KCNN2: variants seen among roughly 807,000 people sequenced by gnomAD.
KCNN2 encodes the protein potassium calcium-activated channel subfamily N member 2.
A neutral mutation model predicts 55.5 loss-of-function variants in KCNN2; 24 were observed. The observed-to-expected ratio is 0.43, with a 90% CI of 0.31 to 0.61. The LOEUF (loss-of-function observed/expected upper bound fraction) is 0.61, where lower values mean the gene tolerates loss of function less well. KCNN2 is among the 20% of genes least tolerant of loss of function. KCNN2 has a pLI of 0.08. For missense variants in KCNN2, 754 were observed against 853.6 expected, an observed-to-expected ratio of 0.88 and a Z score of 1.45; for synonymous variants, 431 against 336.1, an observed-to-expected ratio of 1.28 and a Z score of -3.09.
intron 2 of KCNN2, among the ~76,000 whole-genome samples, chr5:114,247,444 A>G (rs1194852030): frequency 2.0e-5 from 3 of 152,156 alleles, no homozygotes; most frequent in South Asian, 2.1e-4. Context: ...CTCTTGTTTC[A>G]TTACTGGCAA....
chr5:114,225,845 C>A (rs2112597769), intron 2 of KCNN2, among the ~76,000 whole-genome samples: 1 of 152,220 alleles, frequency 6.6e-6, no homozygotes, highest in South Asian at 2.1e-4. Context: ...AACAAACATG[C>A]CAAAATTCAG....
At chr5:114,194,800 G>T (rs918241710) in intron 1 of KCNN2, among the ~76,000 whole-genome samples, 1 of 151,402 alleles carries the variant, frequency 6.6e-6, no homozygotes, top group East Asian at 1.9e-4. Context: ...TCTTCTAAGA[G>T]TTTTATAATT....
intron 3 of KCNN2, among the ~76,000 whole-genome samples, chr5:114,442,674 C>T (rs1183563076): frequency 6.6e-6 from 1 of 152,162 alleles, no homozygotes; most frequent in East Asian, 1.9e-4. Context: ...AGACCATAAA[C>T]CTGCCCCTCG....
chr5:114,416,254 CT>C (rs1759300543), intron 3 of KCNN2, among the ~76,000 whole-genome samples: 1 of 151,962 alleles, frequency 6.6e-6, no homozygotes, highest in African/African-American at 2.4e-5. Flanking sequence ...TTTTAAGATT[CT>C]TTTTGTTTTC....
chr5:114,167,772 CA>C (rs1408441688), intron 1 of KCNN2, among the ~76,000 whole-genome samples: 1 of 152,166 alleles, frequency 6.6e-6, no homozygotes, highest in Non-Finnish European at 1.5e-5. Flanking sequence ...ACCATCACCA[CA>C]ATCAAGACAG....
chr5:114,182,769 AT>A (rs1397491750), intron 1 of KCNN2, among the ~76,000 whole-genome samples: 1 of 152,042 alleles, frequency 6.6e-6, no homozygotes, highest in Non-Finnish European at 1.5e-5. Context: ...TAGTTTTTAT[AT>A]TCTATAGATT....
At chr5:114,356,345 C>G (rs1054354616) in intron 2 of KCNN2, among the ~76,000 whole-genome samples, 3 of 152,126 alleles carry the variant, frequency 2.0e-5, no homozygotes, top group African/African-American at 7.2e-5. Flanking sequence ...AATGTGCTGT[C>G]TGCTAAGTTT....
rs375297468 is a variant in KCNN2, at chr5:114,399,934, T to TG, written c.1219-4504_1219-4503insG. Among the ~76,000 whole-genome samples the TG allele has an allele frequency of 1.6e-3, 237 of 150,976 alleles. 1 individual carries two copies. The highest frequency in any genetic ancestry group is 5.4e-3 in the African/African-American group (222 of 41,212). On this transcript the variant is annotated intron_variant, in intron 2 of 7. Coordinates refer to ENST00000673685, the MANE Select transcript of KCNN2 (RefSeq NM_021614.4). ...CCTTTGAGGGTTTTTTTTTTTGTTT[T>TG]TTTTTTTTGTATTTCTATGTGGTTG...
At chr5:114,163,383 A>C (rs10062399) in intron 1 of KCNN2, among the ~76,000 whole-genome samples, 149,909 of 152,276 alleles carry the variant, frequency 0.98, 73,849 homozygotes, top group Middle Eastern at 1. Context: ...TGGGAGAATG[A>C]TTCCAGCTTT....
intron 1 of KCNN2, among the ~76,000 whole-genome samples, chr5:114,180,793 T>G (rs905390947): frequency 6.6e-6 from 1 of 152,128 alleles, no homozygotes; most frequent in Non-Finnish European, 1.5e-5. Flanking sequence ...CCTAGTCAAC[T>G]TTCTCACAAA....
chr5:114,218,560 A>T (rs1754057998), intron 1 of KCNN2, among the ~76,000 whole-genome samples: 1 of 152,198 alleles, frequency 6.6e-6, no homozygotes, highest in South Asian at 2.1e-4. Context: ...GACAGCAAAA[A>T]GGTCAGTGAT....
intron 1 of KCNN2, among the ~76,000 whole-genome samples, chr5:114,088,646 G>A (rs1007271746): frequency 9.2e-5 from 14 of 152,072 alleles, no homozygotes; most frequent in Non-Finnish European, 1.6e-4. Flanking sequence ...TTGAGATGGA[G>A]TCTCGCTCTG....
At chr5:114,419,095 T>C (rs1019147150) in intron 3 of KCNN2, among the ~76,000 whole-genome samples, 6 of 152,248 alleles carry the variant, frequency 3.9e-5, no homozygotes, top group Non-Finnish European at 8.8e-5. Flanking sequence ...TTTGTGCTTC[T>C]TATTGATAAT....
chr5:114,207,376 G>C (rs1753797976), intron 1 of KCNN2, among the ~76,000 whole-genome samples: 1 of 152,152 alleles, frequency 6.6e-6, no homozygotes, highest in South Asian at 2.1e-4. Context: ...AGGAAGAATA[G>C]AAAATGGTAT....
At chr5:114,214,308 C>G (rs1450863110) in intron 1 of KCNN2, among the ~76,000 whole-genome samples, 1 of 151,832 alleles carries the variant, frequency 6.6e-6, no homozygotes, top group Non-Finnish European at 1.5e-5. Context: ...TTTGTTTACA[C>G]AAGTAGATGA....
chr5:114,335,437 A>G (rs578135699), intron 2 of KCNN2, among the ~76,000 whole-genome samples: 1 of 152,328 alleles, frequency 6.6e-6, no homozygotes, highest in African/African-American at 2.4e-5. Flanking sequence ...CATTTCTTGC[A>G]TGATGACAGC....
At chr5:114,359,537 C>G (rs139908905), upstream of KCNN2, among the ~76,000 whole-genome samples, 151 of 152,268 alleles carry the variant, frequency 9.9e-4, no homozygotes, top group African/African-American at 3.4e-3. Flanking sequence ...CAGTTTGACA[C>G]AAGGGATGCA....
At chr5:114,233,475 A>G (rs1009511983) in intron 2 of KCNN2, among the ~76,000 whole-genome samples, 6 of 152,152 alleles carry the variant, frequency 3.9e-5, no homozygotes, top group Non-Finnish European at 8.8e-5. Context: ...TTGTTTTTCA[A>G]TAGGACCATA....
intron 1 of KCNN2, among the ~76,000 whole-genome samples, chr5:114,196,623 A>T (rs1753563079): frequency 6.6e-6 from 1 of 151,944 alleles, no homozygotes; most frequent in South Asian, 2.1e-4. Flanking sequence ...CATCTAAGTT[A>T]TCTAATTTGT....
Sources: gnomAD v4.1 joint callset for allele counts (sites outside exome capture counted in the v4.1 genomes callset) on GRCh38, gnomAD v4.1.1 for gene constraint, MANE v1.5 for transcripts, NCBI Gene and HGNC (gene_info 2026-07-23, HGNC 2026-07-21) for gene names.